IZUMO2: variants seen among roughly 807,000 people sequenced by gnomAD.
IZUMO2 encodes izumo sperm-egg fusion protein 2.
IZUMO2 carries 24 observed loss-of-function variants against 31.2 expected under a neutral mutation model. That is an observed-to-expected ratio of 0.77 (90% CI 0.56 to 1.08). The LOEUF (loss-of-function observed/expected upper bound fraction) is 1.08. Among genes scored for constraint, IZUMO2 ranks in the 50% least tolerant of loss-of-function variants. The probability of loss-of-function intolerance (pLI) is 0.00; values close to 1 mark genes in which losing one functional copy is unlikely to be tolerated. For missense variants in IZUMO2, 278 were observed against 274.0 expected, an observed-to-expected ratio of 1.01 and a Z score of -0.10; for synonymous variants, 144 against 117.3, an observed-to-expected ratio of 1.23 and a Z score of -1.47.
At chr19:50,161,219 G>A (rs1015550755) in intron 2 of IZUMO2, among the ~76,000 whole-genome samples, 6 of 151,566 alleles carry the variant, frequency 4.0e-5, no homozygotes, top group Non-Finnish European at 5.9e-5. Flanking sequence ...CCGCCTCCTG[G>A]GTTCAAGCAA....
rs1307584117 is a variant in IZUMO2, at chr19:50,163,271, G to C, written c.-77C>G. ...GGCGAGGGCGCGGTCAGGAGGCCCAGGGAGCATCACGGTGTTACAGGCACG... is the reference window on the plus strand; with the variant it reads ...GGCGAGGGCGCGGTCAGGAGGCCCACGGAGCATCACGGTGTTACAGGCACG... On this transcript the variant is annotated 5_prime_UTR_variant, in exon 1 of 7. Transcript: ENST00000293405. 5 of 1,074,228 alleles carry C rather than the reference G, an allele frequency of 4.7e-6. No individual in the cohort carries two copies. Among genetic ancestry groups the C allele is most frequent in the Non-Finnish European group, 6.8e-6 (5 of 730,124 alleles). 66.5% of individuals were successfully genotyped at this position (1,074,228 alleles called of 1,614,324 possible).
intron 6 of IZUMO2, among the ~76,000 whole-genome samples, chr19:50,153,362 C>A (rs1414050428): frequency 6.6e-6 from 1 of 152,142 alleles, no homozygotes; most frequent in East Asian, 1.9e-4. Flanking sequence ...TTAAGTCACC[C>A]AATTTGTGGT....
intron 5 of IZUMO2, among the ~76,000 whole-genome samples, chr19:50,155,885 C>G (rs2030198214): frequency 6.6e-6 from 1 of 152,218 alleles, no homozygotes; most frequent in South Asian, 2.1e-4. Context: ...AGCCACCCTA[C>G]TATTCTCTTT....
rs1302998207 is a variant in IZUMO2, at chr19:50,162,785, G to A, written c.261C>T (p.Ser87=). The change falls in exon 2 of 7, where the codon TCC becomes TCT. Residue 87 remains serine, a synonymous_variant. Coordinates refer to ENST00000293405, the MANE Select transcript of IZUMO2 (RefSeq NM_152358.3). ...AGTGCTGCGTTTGGTTCTTGACAAA[G>A]GACGCCACAAGGTCCAGTTGATTTG... is the stretch of plus-strand genomic sequence containing the variant. ...VETNQLDLVA[S]FVKNQTQHLM... is the part of the protein sequence containing the mutation. The A allele has an allele frequency of 6.2e-7, 1 of 1,613,952 alleles. No homozygotes were observed. Among genetic ancestry groups the A allele is most frequent in the Admixed American group, 1.7e-5 (1 of 60,016 alleles).
At chr19:50,159,718 C>T in intron 2 of IZUMO2, 138 bp from the exon 3 acceptor site, 1 of 620,412 alleles carries the variant, frequency 1.6e-6, no homozygotes, top group Non-Finnish European at 2.9e-6. Flanking sequence ...ACTAAGGGTC[C>T]CCCAGGCAAA....
At position 50,159,689 on chromosome 19, in the gene IZUMO2, G is replaced by A. The variant is rs2030332730; in HGVS notation, c.308-109C>T. On this transcript the variant is annotated intron_variant, in intron 2 of 6. Transcript: ENST00000293405. ...AGGAAGCTCCTCTTCATTTATAAAG[G>A]GTAACCAAGACCAGGATTACTAAGG... The A allele has an allele frequency of 1.3e-5, 9 of 697,638 alleles. No homozygotes were observed. The South Asian group carries it at 1.5e-4, about 12-fold the overall frequency. 43.2% of individuals were successfully genotyped at this position (697,638 alleles called of 1,614,324 possible).
At chr19:50,159,146 G>C (rs180971367) in intron 4 of IZUMO2, 84 bp downstream of exon 4, 79 of 1,371,198 alleles carry the variant, frequency 5.8e-5, no homozygotes, top group Non-Finnish European at 8.0e-5. Flanking sequence ...GGAGTAAGGA[G>C]TGGTAGCCAG....
At chr19:50,154,576 G>A (rs1272874233) in intron 6 of IZUMO2, 24 bp downstream of exon 6, 1 of 1,613,386 alleles carries the variant, frequency 6.2e-7, no homozygotes, top group East Asian at 2.2e-5. Flanking sequence ...ACGGGGGACT[G>A]AGGAGGGGGC....
At chr19:50,154,478 G>C in intron 6 of IZUMO2, 122 bp downstream of exon 6, 1 of 884,762 alleles carries the variant, frequency 1.1e-6, no homozygotes, top group Non-Finnish European at 1.7e-6. Context: ...AAGAGAGACA[G>C]AGACTAAAGT....
intron 3 of IZUMO2, 97 bp from the exon 4 acceptor site, chr19:50,159,347 GA>G (rs2030319615): frequency 1.4e-6 from 2 of 1,386,832 alleles, no homozygotes; most frequent in Admixed American, 1.9e-5. Context: ...GTGAGGCTGG[GA>G]AAGGAGAGAA....
chr19:50,155,683 C>T (rs1158544334), intron 5 of IZUMO2, among the ~76,000 whole-genome samples: 2 of 152,178 alleles, frequency 1.3e-5, no homozygotes, highest in Admixed American at 1.3e-4. Context: ...TCTTAGGAGG[C>T]TCCCTTGACC....
Sources: gnomAD v4.1 joint callset for allele counts (sites outside exome capture counted in the v4.1 genomes callset) on GRCh38, gnomAD v4.1.1 for gene constraint, MANE v1.5 for transcripts, NCBI Gene and HGNC (gene_info 2026-07-23, HGNC 2026-07-21) for gene names.